The following PVALEF variants were observed in gnomAD, a reference collection of about 807,000 sequenced individuals.
The protein encoded by PVALEF is parvalbumin-like EF-hand-containing protein.
In PVALEF, 2 loss-of-function variants were observed where a neutral mutation model predicts 1.2. The ratio of observed to expected loss-of-function variants is 1.68; its 90% CI spans 0.69 to 5.28. PVALEF has a LOEUF of 5.28. Ranked by LOEUF, PVALEF falls within the 30% of genes most tolerant of loss-of-function variation. The probability of loss-of-function intolerance (pLI) is 0.06; values close to 1 mark genes in which losing one functional copy is unlikely to be tolerated. For missense variants in PVALEF, 35 were observed against 17.7 expected, an observed-to-expected ratio of 1.97 and a Z score of -1.75; for synonymous variants, 16 against 6.5, an observed-to-expected ratio of 2.47 and a Z score of -2.24.
At chr17:81,176,621 G>C (rs967964950) in intron 2 of PVALEF, among the ~76,000 whole-genome samples, 1 of 151,850 alleles carries the variant, frequency 6.6e-6, no homozygotes, top group Admixed American at 6.6e-5. Flanking sequence ...CACAAGTGTT[G>C]GTGAGGACGT....
In PVALEF at chr17:81,165,601, C is replaced by A; in HGVS notation, c.-654C>A. On this transcript the variant is annotated 5_prime_UTR_variant, in exon 1 of 7. Coordinates refer to ENST00000637878, the MANE Select transcript of PVALEF (RefSeq NM_001354639.2). ...CTGAACCCCAGCTGGCTGACACCCC[C>A]CACACCCCCAAGGGCCCTTAGTCTG... 5 of 1,394,750 alleles carry A rather than the reference C, an allele frequency of 3.6e-6. No homozygotes were observed. Among genetic ancestry groups the A allele is most frequent in the Non-Finnish European group, 4.7e-6 (5 of 1,053,160 alleles). The allele number at this position is 1,394,750 out of a possible 1,614,324, so 86.4% of individuals were successfully genotyped here. A position where few individuals can be genotyped will look rare whatever the true frequency, so the allele number is the denominator to read the frequency against.
rs1330707385 is a variant in PVALEF at position 81,182,950 on chromosome 17, G to GGTCTC, written c.359-14_359-10dup. ...AAAACAGGGGTACTTACTTTAAATT[G>GGTCTC]GTCTCCTGCTCTAGAATTTTCTGAA... On this transcript the variant is annotated splice_polypyrimidine_tract_variant and intron_variant, in intron 6 of 6. Transcript: ENST00000637878. The GGTCTC allele has an allele frequency of 2.0e-5, 8 of 398,518 alleles. No individual in the cohort carries two copies. Among genetic ancestry groups the GGTCTC allele is most frequent in the Non-Finnish European group, 3.1e-5 (7 of 226,070 alleles). The allele number at this position is 398,518 out of a possible 1,614,324, so 24.7% of individuals were successfully genotyped here.
chr17:81,166,890 TCCCCTATGTTTCTC>T, intron 2 of PVALEF, 46 bp downstream of exon 2: 1 of 340,886 alleles, frequency 2.9e-6, no homozygotes, highest in Non-Finnish European at 6.0e-6. Context: ...GGCCATCCCT[TCCCCTATGTTTCTC>T]CCAGGATCCC....
chr17:81,172,082 G>T (rs888527011), intron 2 of PVALEF, among the ~76,000 whole-genome samples: 1 of 152,214 alleles, frequency 6.6e-6, no homozygotes, highest in Non-Finnish European at 1.5e-5. Flanking sequence ...TCAGTGGGAT[G>T]TTCCTCCCAA....
At chr17:81,170,061 GGTGT>G (rs540525096) in intron 2 of PVALEF, among the ~76,000 whole-genome samples, 6 of 146,486 alleles carry the variant, frequency 4.1e-5, no homozygotes, top group East Asian at 2.0e-4. Context: ...CATGTGTGTT[GGTGT>G]GTATGTGTGT....
At chr17:81,172,300 C>T (rs191724205) in intron 2 of PVALEF, among the ~76,000 whole-genome samples, 113 of 152,336 alleles carry the variant, frequency 7.4e-4, no homozygotes, top group Non-Finnish European at 1.3e-3. Flanking sequence ...TTAGGGTGAA[C>T]CCCACACAGA....
intron 2 of PVALEF, among the ~76,000 whole-genome samples, chr17:81,171,770 G>C (rs545971314): frequency 7.2e-5 from 11 of 152,264 alleles, no homozygotes; most frequent in African/African-American, 2.4e-4. Flanking sequence ...GGGATTACAG[G>C]CGTGAGCCAC....
intron 2 of PVALEF, among the ~76,000 whole-genome samples, chr17:81,174,868 G>A (rs1050623274): frequency 3.3e-5 from 5 of 149,562 alleles, no homozygotes; most frequent in East Asian, 2.0e-4. Context: ...AGAATGGTGC[G>A]AACCTGGTAG....
In PVALEF at chr17:81,183,085, C is replaced by T. The variant is rs1483004669; in HGVS notation, c.*74C>T. 7 of 398,506 alleles carry T rather than the reference C, an allele frequency of 1.8e-5. No individual in the cohort carries two copies. The highest frequency in any genetic ancestry group is 1.0e-4 in the African/African-American group (5 of 48,642). The allele number at this position is 398,506 out of a possible 1,614,324, so 24.7% of individuals were successfully genotyped here. A position where few individuals can be genotyped will look rare whatever the true frequency, so the allele number is the denominator to read the frequency against. ...GGTGACCACGCACCTGGGCAGAAGC[C>T]GTTGGGGCCGGTAAGAGGCGGCAGC... On this transcript the variant is annotated 3_prime_UTR_variant, in exon 7 of 7. Coordinates refer to ENST00000637878, the MANE Select transcript of PVALEF (RefSeq NM_001354639.2).
At chr17:81,165,794 C>G in intron 1 of PVALEF, 47 bp downstream of exon 1, 1 of 1,503,706 alleles carries the variant, frequency 6.7e-7, no homozygotes. Context: ...CTGGGGCCGC[C>G]AGGGGGTCCG....
intron 2 of PVALEF, among the ~76,000 whole-genome samples, chr17:81,177,168 C>T (rs2061538380): frequency 6.7e-6 from 1 of 148,424 alleles, no homozygotes; most frequent in South Asian, 2.2e-4. Context: ...CTCAGGTGAT[C>T]CACTCGCCTC....
At chr17:81,180,185 G>A (rs1409986634) in intron 3 of PVALEF, among the ~76,000 whole-genome samples, 1 of 152,152 alleles carries the variant, frequency 6.6e-6, no homozygotes, top group Non-Finnish European at 1.5e-5. Flanking sequence ...GGTGGTGAAC[G>A]AGCCCAGCCC....
At chr17:81,177,934 C>T (rs1043437058) in intron 2 of PVALEF, among the ~76,000 whole-genome samples, 3 of 152,180 alleles carry the variant, frequency 2.0e-5, no homozygotes, top group Non-Finnish European at 4.4e-5. Context: ...CCTGGCAGGA[C>T]CCACCAGTGT....
chr17:81,172,110 G>A (rs1276734019), intron 2 of PVALEF, among the ~76,000 whole-genome samples: 1 of 152,202 alleles, frequency 6.6e-6, no homozygotes, highest in African/African-American at 2.4e-5. Context: ...CCTCACTCTG[G>A]CCTGCTGGTG....
chr17:81,180,060 G>A (rs1196801647), intron 3 of PVALEF, among the ~76,000 whole-genome samples: 2 of 152,150 alleles, frequency 1.3e-5, no homozygotes, highest in Non-Finnish European at 2.9e-5. Context: ...GGATGCACGA[G>A]CTATAAATAA....
chr17:81,174,406 A>G (rs1203348084), intron 2 of PVALEF, among the ~76,000 whole-genome samples: 1 of 152,054 alleles, frequency 6.6e-6, no homozygotes, highest in Non-Finnish European at 1.5e-5. Context: ...AGGCAGGTGG[A>G]TCACCTGAGG....
At chr17:81,167,711 C>A (rs995262346) in intron 2 of PVALEF, among the ~76,000 whole-genome samples, 4 of 152,242 alleles carry the variant, frequency 2.6e-5, no homozygotes, top group Non-Finnish European at 5.9e-5. Context: ...ACCAACTGCA[C>A]CTGGGGCAGA....
intron 2 of PVALEF, among the ~76,000 whole-genome samples, chr17:81,168,602 T>A (rs2061507368): frequency 6.6e-6 from 1 of 152,042 alleles, no homozygotes; most frequent in Non-Finnish European, 1.5e-5. Context: ...CTGTCTGCTA[T>A]CCCCCGGCCT....
chr17:81,172,743 G>A (rs567965251), intron 2 of PVALEF, among the ~76,000 whole-genome samples: 3 of 152,186 alleles, frequency 2.0e-5, no homozygotes, highest in South Asian at 2.1e-4. Flanking sequence ...CAGCCTGGGC[G>A]ACAGAGCGAG....
Sources: allele counts gnomAD v4.1 joint callset (sites outside exome capture counted in the v4.1 genomes callset), GRCh38; gene constraint gnomAD v4.1.1; transcripts MANE v1.5; gene names NCBI Gene and HGNC (gene_info 2026-07-23, HGNC 2026-07-21).